The following RGS6 variants were observed in gnomAD, a reference collection of about 807,000 sequenced individuals.
RGS6 encodes regulator of G protein signaling 6, also known as regulator of G-protein signaling 6.
Under a neutral mutation model 78.5 loss-of-function variants are expected in RGS6, and 30 were observed. The ratio of observed to expected loss-of-function variants is 0.38; its 90% CI spans 0.29 to 0.52. The LOEUF is 0.52. RGS6 is among the 20% of genes least tolerant of loss of function. The pLI, the probability that RGS6 is intolerant of heterozygous loss-of-function variation, is 0.85. For missense variants in RGS6, 495 were observed against 609.7 expected, an observed-to-expected ratio of 0.81 and a Z score of 1.98; for synonymous variants, 206 against 206.0, an observed-to-expected ratio of 1.00 and a Z score of 0.00.
At position 71,964,902 on chromosome 14, in the gene RGS6, G is replaced by C. The variant is rs187282580; in HGVS notation, c.84+27G>C. 30 of 1,581,278 alleles carry C rather than the reference G, an allele frequency of 1.9e-5. No individual in the cohort carries two copies. The Admixed American group carries it at 5.0e-4, about 27-fold the overall frequency. On this transcript the variant is annotated intron_variant, in intron 2 of 17. Transcript: ENST00000553525. ...TAAGGCGCCTGGTCAAGTGCCGTGC[G>C]TGCTGTCCGTGTGGACTGTTGTGTT...
At chr14:72,003,158 T>C (rs917872010) in intron 2 of RGS6, among the ~76,000 whole-genome samples, 2 of 152,190 alleles carry the variant, frequency 1.3e-5, no homozygotes, top group Non-Finnish European at 2.9e-5. Context: ...CATTGTTCTA[T>C]GGATTAGTAG....
At chr14:72,484,356 A>C (rs1031995906) in intron 12 of RGS6, among the ~76,000 whole-genome samples, 16 of 152,188 alleles carry the variant, frequency 1.1e-4, no homozygotes, top group Admixed American at 7.2e-4. Flanking sequence ...CCATAGCTGC[A>C]GGCCATACTT....
chr14:72,212,444 G>A (rs1191837331), intron 2 of RGS6, among the ~76,000 whole-genome samples: 1 of 152,162 alleles, frequency 6.6e-6, no homozygotes, highest in African/African-American at 2.4e-5. Context: ...GATTTATGAG[G>A]GGCCATGAAG....
intron 4 of RGS6, among the ~76,000 whole-genome samples, chr14:72,454,945 G>A (rs1187824317): frequency 6.6e-6 from 1 of 152,176 alleles, no homozygotes; most frequent in Non-Finnish European, 1.5e-5. Context: ...CAATTAAGAT[G>A]TTTAATTATT....
intron 4 of RGS6, among the ~76,000 whole-genome samples, 193 bp downstream of exon 4, chr14:72,454,771 A>G (rs956701924): frequency 3.3e-5 from 5 of 152,226 alleles, no homozygotes; most frequent in Admixed American, 6.5e-5. Flanking sequence ...AATTTAAATC[A>G]TGCTTTGAGG....
chr14:72,002,282 G>C (rs1216715325), intron 2 of RGS6, among the ~76,000 whole-genome samples: 1 of 152,124 alleles, frequency 6.6e-6, no homozygotes, highest in African/African-American at 2.4e-5. Context: ...GGGATTCAGA[G>C]TGACTTACTA....
chr14:72,540,610 C>A, intron 17 of RGS6: 1 of 1,474,686 alleles, frequency 6.8e-7, no homozygotes, highest in Non-Finnish European at 9.1e-7. Context: ...GGCCGTGCTG[C>A]ATGGGTCCTG....
chr14:72,412,733 C>G (rs112586007), intron 3 of RGS6, among the ~76,000 whole-genome samples: 1 of 152,166 alleles, frequency 6.6e-6, no homozygotes, highest in Non-Finnish European at 1.5e-5. Context: ...CTACACACTG[C>G]TTTGAATGTG....
At chr14:72,240,290 C>T (rs2052432946) in intron 2 of RGS6, among the ~76,000 whole-genome samples, 1 of 152,144 alleles carries the variant, frequency 6.6e-6, no homozygotes. Context: ...TGATAGTAAA[C>T]CAGTGAGTAG....
At chr14:72,554,150 A>G (rs2153537943) in intron 17 of RGS6, among the ~76,000 whole-genome samples, 1 of 152,368 alleles carries the variant, frequency 6.6e-6, no homozygotes, top group Non-Finnish European at 1.5e-5. Context: ...CCAAATGGGC[A>G]TGGACATTCA....
upstream of RGS6, chr14:71,932,351 T>TGCGCGGG (rs1412554754): frequency 6.6e-6 from 1 of 151,102 alleles, no homozygotes; most frequent in African/African-American, 2.4e-5. Context: ...GGCGCCCAGG[T>TGCGCGGG]GCGCGGGGCA....
intron 3 of RGS6, among the ~76,000 whole-genome samples, chr14:72,360,951 GT>G (rs888190156): frequency 2.0e-5 from 3 of 152,120 alleles, no homozygotes; most frequent in African/African-American, 7.2e-5. Flanking sequence ...GTTTTTATAA[GT>G]GTTTGACAGT....
intron 3 of RGS6, among the ~76,000 whole-genome samples, chr14:72,414,814 C>G (rs2153073620): frequency 6.6e-6 from 1 of 152,300 alleles, no homozygotes; most frequent in Non-Finnish European, 1.5e-5. Flanking sequence ...TGCTGGAGGT[C>G]CACTCCAGAG....
chr14:72,268,172 T>C (rs2059366305), intron 2 of RGS6, among the ~76,000 whole-genome samples: 1 of 152,218 alleles, frequency 6.6e-6, no homozygotes, highest in Non-Finnish European at 1.5e-5. Context: ...GAAACACTCA[T>C]TTGAAATACC....
intron 2 of RGS6, among the ~76,000 whole-genome samples, chr14:72,012,323 A>G (rs750459577): frequency 1.2e-4 from 19 of 152,368 alleles, no homozygotes; most frequent in Non-Finnish European, 2.5e-4. Flanking sequence ...ACACATAGAC[A>G]TGATTTTCTT....
intron 17 of RGS6, among the ~76,000 whole-genome samples, chr14:72,555,645 G>A (rs563682456): frequency 6.6e-6 from 1 of 152,190 alleles, no homozygotes. Context: ...GGCATGGGTC[G>A]TGAAGGCCGA....
At chr14:72,581,954 A>C in the RGS6 span, among the ~76,000 whole-genome samples, 1 of 152,202 alleles carries the variant, frequency 6.6e-6, no homozygotes, top group Non-Finnish European at 1.5e-5. Context: ...TTCTGGTGGG[A>C]GCTTTCCTGC....
intron 2 of RGS6, among the ~76,000 whole-genome samples, chr14:72,212,931 C>G (rs749071075): frequency 8.5e-5 from 13 of 152,174 alleles, no homozygotes; most frequent in Non-Finnish European, 1.6e-4. Context: ...AAAGTAGGAC[C>G]ATGCACAGAT....
the RGS6 span, among the ~76,000 whole-genome samples, chr14:71,896,066 A>G: frequency 6.6e-6 from 1 of 152,082 alleles, no homozygotes; most frequent in Non-Finnish European, 1.5e-5. Context: ...AAGGGTGGGG[A>G]GTGGAGATGG....
Sources: gnomAD v4.1 joint callset for allele counts (sites outside exome capture counted in the v4.1 genomes callset) on GRCh38, gnomAD v4.1.1 for gene constraint, MANE v1.5 for transcripts, NCBI Gene and HGNC (gene_info 2026-07-23, HGNC 2026-07-21) for gene names.